SIK3: variants seen among roughly 807,000 people sequenced by gnomAD.
SIK3 encodes SIK family kinase 3.
SIK3 carries 28 observed loss-of-function variants against 144.2 expected under a neutral mutation model. That is an observed-to-expected ratio of 0.19 (90% CI 0.14 to 0.27). SIK3 has a LOEUF of 0.27. SIK3 is among the 10% of genes least tolerant of loss of function. The pLI is 1.00. For synonymous variants in SIK3, 686 were observed against 676.3 expected, an observed-to-expected ratio of 1.01 and a Z score of -0.22; for missense variants, 1,319 against 1,776.0, an observed-to-expected ratio of 0.74 and a Z score of 4.62.
At chr11:117,015,563 C>T (rs553499248) in intron 1 of SIK3, among the ~76,000 whole-genome samples, 15 of 143,500 alleles carry the variant, frequency 1.0e-4, no homozygotes, top group Non-Finnish European at 1.8e-4. Context: ...AGACATACAA[C>T]CCCATGTCCA....
chr11:116,904,374 TAA>T (rs1449138693), intron 4 of SIK3, among the ~76,000 whole-genome samples: 1 of 152,094 alleles, frequency 6.6e-6, no homozygotes, highest in African/African-American at 2.4e-5. Flanking sequence ...TGGCAAGAAA[TAA>T]AGAGTGCACA....
At chr11:117,004,448 C>T (rs1480283146) in intron 1 of SIK3, among the ~76,000 whole-genome samples, 1 of 151,846 alleles carries the variant, frequency 6.6e-6, no homozygotes, top group Non-Finnish European at 1.5e-5. Flanking sequence ...CCCAGAAGGT[C>T]GAGGCTGCAG....
intron 1 of SIK3, among the ~76,000 whole-genome samples, chr11:117,023,621 A>AAATATATAT (rs754624841): frequency 6.3e-4 from 60 of 95,382 alleles, no homozygotes; most frequent in African/African-American, 2.3e-3. Context: ...AAAAAAAAAA[A>AAATATATAT]ATATATATAT....
intron 1 of SIK3, among the ~76,000 whole-genome samples, chr11:117,032,451 G>T (rs1249263505): frequency 6.6e-6 from 1 of 152,076 alleles, no homozygotes; most frequent in Non-Finnish European, 1.5e-5. Flanking sequence ...GTATTTCCAT[G>T]TGTTCACTGC....
intron 3 of SIK3, among the ~76,000 whole-genome samples, chr11:116,946,023 C>A (rs1054987904): frequency 6.6e-6 from 1 of 152,184 alleles, no homozygotes; most frequent in African/African-American, 2.4e-5. Flanking sequence ...ATTGCCTACA[C>A]CCACATGCAT....
intron 1 of SIK3, among the ~76,000 whole-genome samples, chr11:117,070,746 CTT>C (rs1253836351): frequency 7.2e-6 from 1 of 139,392 alleles, no homozygotes; most frequent in Admixed American, 6.8e-5. Context: ...GCGCCCGGCC[CTT>C]TTTCTTTTTT....
chr11:117,066,395 A>G (rs1565610629), intron 1 of SIK3, among the ~76,000 whole-genome samples: 1 of 151,806 alleles, frequency 6.6e-6, no homozygotes, highest in Admixed American at 6.6e-5. Context: ...TTCAAAAGAC[A>G]CTGCTGAAAG....
At chr11:117,040,519 T>C (rs145613777) in intron 1 of SIK3, among the ~76,000 whole-genome samples, 247 of 152,276 alleles carry the variant, frequency 1.6e-3, no homozygotes, top group African/African-American at 5.8e-3. Flanking sequence ...AATAACACTA[T>C]AGGTATTAGT....
At chr11:116,881,233 T>C (rs1235536438) in intron 6 of SIK3, among the ~76,000 whole-genome samples, 1 of 152,110 alleles carries the variant, frequency 6.6e-6, no homozygotes, top group Non-Finnish European at 1.5e-5. Flanking sequence ...CTGAACCACT[T>C]TGGGCAATGC....
At chr11:117,057,008 T>G (rs898694547) in intron 1 of SIK3, among the ~76,000 whole-genome samples, 1 of 152,352 alleles carries the variant, frequency 6.6e-6, no homozygotes, top group East Asian at 1.9e-4. Context: ...TCTTTAGAGA[T>G]AATTGTAGAG....
intron 1 of SIK3, among the ~76,000 whole-genome samples, chr11:117,041,270 C>G (rs756050184): frequency 3.3e-5 from 5 of 151,988 alleles, no homozygotes; most frequent in Non-Finnish European, 7.4e-5. Context: ...TGGAAGAAAG[C>G]CAGGTTTCAC....
intron 1 of SIK3, among the ~76,000 whole-genome samples, chr11:117,095,192 T>TAA (rs3057848): frequency 8.2e-5 from 10 of 122,168 alleles, no homozygotes; most frequent in African/African-American, 1.2e-4. Context: ...CATGTGTGTT[T>TAA]AAAAAAAAAA....
chr11:116,874,460 T>C (rs1240242142), intron 11 of SIK3, among the ~76,000 whole-genome samples: 2 of 152,246 alleles, frequency 1.3e-5, no homozygotes, highest in Non-Finnish European at 2.9e-5. Context: ...CTCTTGTCAG[T>C]GCTGATAGGA....
chr11:117,036,811 C>T (rs191882632), intron 1 of SIK3, among the ~76,000 whole-genome samples: 23 of 152,156 alleles, frequency 1.5e-4, no homozygotes, highest in East Asian at 5.8e-4. Context: ...TATAAAAATA[C>T]GCAGATTCTT....
intron 1 of SIK3, among the ~76,000 whole-genome samples, chr11:116,962,133 C>T (rs144242667): frequency 4.7e-4 from 71 of 152,238 alleles, no homozygotes; most frequent in Middle Eastern, 3.4e-3. Context: ...AAGCAAGATA[C>T]GGCAACAGAG....
At chr11:117,006,723 T>C (rs1290352550) in intron 1 of SIK3, among the ~76,000 whole-genome samples, 2 of 152,106 alleles carry the variant, frequency 1.3e-5, no homozygotes, top group African/African-American at 4.8e-5. Context: ...GTAGGAGGTG[T>C]TTTTGCAAAT....
chr11:116,893,178 A>G (rs1945219444), intron 6 of SIK3, among the ~76,000 whole-genome samples: 1 of 152,218 alleles, frequency 6.6e-6, no homozygotes, highest in East Asian at 1.9e-4. Flanking sequence ...TGTAACACTG[A>G]GAGAAAACCC....
At chr11:116,871,656 T>A (rs561095534) in intron 13 of SIK3, among the ~76,000 whole-genome samples, 1 of 152,304 alleles carries the variant, frequency 6.6e-6, no homozygotes, top group South Asian at 2.1e-4. Context: ...ATCTACACAA[T>A]GGATGACAGT....
intron 1 of SIK3, chr11:117,036,031 G>A: frequency 1.4e-6 from 2 of 1,402,560 alleles, no homozygotes; most frequent in Non-Finnish European, 2.0e-6. Context: ...AGGGATGAAG[G>A]AGACCCTTTG....
Sources: allele counts gnomAD v4.1 joint callset (sites outside exome capture counted in the v4.1 genomes callset), GRCh38; gene constraint gnomAD v4.1.1; transcripts MANE v1.5; gene names NCBI Gene and HGNC (gene_info 2026-07-23, HGNC 2026-07-21).